The following RPS14 variants were observed in gnomAD, a reference collection of about 807,000 sequenced individuals.
RPS14 encodes the protein ribosomal protein S14.
In RPS14, 1 loss-of-function variant was observed where a neutral mutation model predicts 15.4. The ratio of observed to expected loss-of-function variants is 0.07; its 90% CI spans 0.02 to 0.31. The LOEUF (loss-of-function observed/expected upper bound fraction) is 0.31. Ranked by LOEUF, RPS14 falls within the 10% of genes least tolerant of loss-of-function variation. The probability of loss-of-function intolerance (pLI) is 1.00; values close to 1 mark genes in which losing one functional copy is unlikely to be tolerated. For missense variants in RPS14, 69 were observed against 205.5 expected (o/e 0.34, Z 4.06); for synonymous variants, 68 against 74.4 (o/e 0.91, Z 0.44).
At chr5:150,444,589 A>G (rs775197006) in intron 4 of RPS14, 1 of 670,166 alleles carries the variant, frequency 1.5e-6, no homozygotes, top group South Asian at 1.5e-5. Flanking sequence ...TGTGCGCAAG[A>G]TGTCAGAGGC....
intron 3 of RPS14, among the ~76,000 whole-genome samples, 197 bp from the exon 4 acceptor site, chr5:150,445,882 G>A (rs1025789399): frequency 6.6e-6 from 1 of 152,166 alleles, no homozygotes; most frequent in Non-Finnish European, 1.5e-5. Context: ...CTTCAGCTCA[G>A]GAGTTCAAGA....
In RPS14 at chr5:150,446,285, C is replaced by G. The variant is rs1771094904; in HGVS notation, c.311+517G>C. On this transcript the variant is annotated intron_variant, in intron 3 of 4. Coordinates refer to ENST00000407193, the MANE Select transcript of RPS14 (RefSeq NM_005617.4). The surrounding 1 kb of genome is among the most constrained non-coding windows in gnomAD (Gnocchi z 4.2). ...CTCCACCTCTTCCCCTCTGACTGCA[C>G]CTCATGCCACTCTTTCCTTCACAGG... Among the ~76,000 whole-genome samples, 1 of 152,048 alleles carries G rather than the reference C, an allele frequency of 6.6e-6. No homozygotes were observed. Among genetic ancestry groups the G allele is most frequent in the Non-Finnish European group, 1.5e-5 (1 of 68,010 alleles).
intron 4 of RPS14, 140 bp from the exon 5 acceptor site, chr5:150,444,493 T>C (rs542450404): frequency 1.4e-6 from 1 of 720,628 alleles, no homozygotes; most frequent in South Asian, 1.6e-5. Context: ...CAGATGGATG[T>C]GAACATGAAG....
rs571152629 is a variant in RPS14 at position 150,446,460 on chromosome 5, G to A, written c.311+342C>T. ...ACTTTATCACCAACTCCTTACTTGT[G>A]CTTCCTGGCATTTGTCACAAATGAA... On this transcript the variant is annotated intron_variant, in intron 3 of 4. Coordinates refer to ENST00000407193, the MANE Select transcript of RPS14 (RefSeq NM_005617.4). The surrounding 1 kb of genome is among the most constrained non-coding windows in gnomAD (Gnocchi z 4.2). Among the ~76,000 whole-genome samples the A allele has an allele frequency of 1.3e-5, 2 of 152,202 alleles. No individual in the cohort carries two copies. The highest frequency in any genetic ancestry group is 4.8e-5 in the African/African-American group (2 of 41,524).
At chr5:150,447,275 T>C in intron 2 of RPS14, 2 of 526,854 alleles carry the variant, frequency 3.8e-6, no homozygotes, top group East Asian at 6.5e-5. Flanking sequence ...ACTTGCTAAA[T>C]GGCCGTCGAA....
At chr5:150,445,450 G>C (rs1483714794) in intron 4 of RPS14, 159 bp downstream of exon 4, 1 of 726,880 alleles carries the variant, frequency 1.4e-6, no homozygotes, top group Non-Finnish European at 2.5e-6. Context: ...TTCAGGGAGA[G>C]ATTTTTAAGT....
rs3900644 is a variant in RPS14, at chr5:150,443,359, T to A, written c.*927A>T. 0.21 allele frequency: 32,576 copies of A among 151,864 alleles called. 4,111 individuals are homozygous for A. The highest frequency in any genetic ancestry group is 0.4 in the South Asian group (1,923 of 4,810). The allele number at this position is 151,864 out of a possible 1,614,324, so 9.4% of individuals were successfully genotyped here. ...ATCAGGTTAAGATTCAATGTTGTTATTAAAATCCCTAGCAAGGTTTGGCAT... is the reference window on the plus strand; with the variant it reads ...ATCAGGTTAAGATTCAATGTTGTTAATAAAATCCCTAGCAAGGTTTGGCAT... On this transcript the variant is annotated 3_prime_UTR_variant, in exon 5 of 5. Coordinates refer to ENST00000407193, the MANE Select transcript of RPS14 (RefSeq NM_005617.4).
At chr5:150,447,771 C>G (rs1561568749) in intron 1 of RPS14, 36 bp from the exon 2 acceptor site, 3 of 1,602,830 alleles carry the variant, frequency 1.9e-6, no homozygotes, top group Admixed American at 3.4e-5. Context: ...GGTTAACAGA[C>G]AAAACATTTC....
In RPS14 at chr5:150,447,694, C is replaced by T; in HGVS notation, c.40G>A (p.Val14Ile). 1.2e-6 allele frequency: 2 copies of T among 1,614,158 alleles called. No individual in the cohort carries two copies. The highest frequency in any genetic ancestry group is 1.7e-6 in the Non-Finnish European group (2 of 1,179,986). ...RKGKEKKEEQ[V>I]ISLGPQVAEG... is the part of the protein sequence containing the mutation. ...GCCACCTGAGGTCCGAGGCTGATGA[C>T]CTGTTCTTCCTTCTTTTCCTTCCCC... Residue 14 changes from valine (V) to isoleucine (I), a missense_variant, in exon 2 of 5, where the codon GTC (valine) becomes ATC (isoleucine). Transcript: ENST00000407193.
Position 150,445,682 on chromosome 5 carries a change from G to T in RPS14, c.315C>A (p.Thr105=). The part of the protein sequence containing the change: ...IKLRATGGNR[T]KTPGPGAQSA... ...ACTGGGCCCCAGGTCCAGGGGTCTTGGTCCTAGAAAATGAAGGTTTAAGTT... is the reference window on the plus strand; with the variant it reads ...ACTGGGCCCCAGGTCCAGGGGTCTTTGTCCTAGAAAATGAAGGTTTAAGTT... The change falls in exon 4 of 5, where the codon ACC becomes ACA. Residue 105 remains threonine, a synonymous_variant. Transcript: ENST00000407193. The T allele has an allele frequency of 6.2e-7, 1 of 1,606,220 alleles. No homozygotes were observed. The highest frequency in any genetic ancestry group is 1.1e-5 in the South Asian group (1 of 90,048).
rs1308337803 is a variant in RPS14, at chr5:150,443,173, T to A, written c.*1113A>T. On this transcript the variant is annotated 3_prime_UTR_variant, in exon 5 of 5. Transcript: ENST00000407193. ...ATTTTTTTTGCAAGCTTTTTTTTTT[T>A]ATTATACTTTAAGTTTTAGGGTACA... 9 of 125,486 alleles carry A rather than the reference T, an allele frequency of 7.2e-5. No homozygotes were observed. Among genetic ancestry groups the A allele is most frequent in the Non-Finnish European group, 1.3e-4 (7 of 54,020 alleles). The allele number at this position is 125,486 out of a possible 1,614,324, so 7.8% of individuals were successfully genotyped here.
intron 3 of RPS14, among the ~76,000 whole-genome samples, 161 bp from the exon 4 acceptor site, chr5:150,445,846 T>C (rs1382802101): frequency 6.6e-6 from 1 of 152,168 alleles, no homozygotes; most frequent in Admixed American, 6.5e-5. Flanking sequence ...TCTCAGCACC[T>C]TGGGAGGCTA....
At chr5:150,447,089 G>A in intron 2 of RPS14, 126 bp from the exon 3 acceptor site, 1 of 1,123,806 alleles carries the variant, frequency 8.9e-7, no homozygotes, top group Non-Finnish European at 1.3e-6. Flanking sequence ...CTGCCCTCAT[G>A]GAGTTCAGTC....
At chr5:150,445,199 A>AC (rs1771057191) in intron 4 of RPS14, among the ~76,000 whole-genome samples, 1 of 152,062 alleles carries the variant, frequency 6.6e-6, no homozygotes. Context: ...AGAAGCTGGT[A>AC]CCCCCCACTT....
At chr5:150,447,910 G>T in intron 1 of RPS14, 175 bp from the exon 2 acceptor site, 7 of 683,356 alleles carry the variant, frequency 1.0e-5, no homozygotes, top group Non-Finnish European at 1.4e-5. Context: ...CTTGCACTTG[G>T]GGGGGTATCA....
Position 150,442,700 on chromosome 5 carries a change from TTTAC to T in RPS14, c.*1582_*1585del, listed in dbSNP as rs1476946057. 5.3e-5 allele frequency: 8 copies of T among 151,946 alleles called. No individual in the cohort carries two copies. Among genetic ancestry groups the T allele is most frequent in the African/African-American group, 1.7e-4 (7 of 41,254 alleles). 9.4% of individuals were successfully genotyped at this position (151,946 alleles called of 1,614,324 possible). ...TTTATTCATATTTTTTAATTTATTA[TTTAC>T]TTATTTAGTTTTTGAGATAGGATCT... On this transcript the variant is annotated 3_prime_UTR_variant, in exon 5 of 5. Coordinates refer to ENST00000407193, the MANE Select transcript of RPS14 (RefSeq NM_005617.4).
At chr5:150,447,437 A>G (rs1313302216) in intron 2 of RPS14, 148 bp downstream of exon 2, 2 of 793,228 alleles carry the variant, frequency 2.5e-6, no homozygotes, top group Non-Finnish European at 4.3e-6. Context: ...GGAAATCACA[A>G]TATTTGTGGG....
At chr5:150,445,287 A>C (rs1466332490) in intron 4 of RPS14, 8 of 449,746 alleles carry the variant, frequency 1.8e-5, no homozygotes, top group Non-Finnish European at 2.4e-5. Flanking sequence ...ACATCCTACA[A>C]TGCAGGAGAT....
At chr5:150,445,493 A>C in intron 4 of RPS14, 116 bp downstream of exon 4, 1 of 971,724 alleles carries the variant, frequency 1.0e-6, no homozygotes, top group African/African-American at 1.6e-5. Context: ...CCCTTAACAA[A>C]CTTAACTGCC....
Sources: allele counts gnomAD v4.1 joint callset (sites outside exome capture counted in the v4.1 genomes callset), GRCh38; gene constraint gnomAD v4.1.1; non-coding constraint Gnocchi (gnomAD v3.1); transcripts MANE v1.5; gene names NCBI Gene and HGNC (gene_info 2026-07-23, HGNC 2026-07-21).